The following ARMC9 variants were observed in gnomAD, a reference collection of about 807,000 sequenced individuals.
The protein encoded by ARMC9 is armadillo repeat containing 9, also known as lisH domain-containing protein ARMC9.
ARMC9 carries 94 observed loss-of-function variants against 107.0 expected under a neutral mutation model. The observed-to-expected ratio is 0.88, with a 90% confidence interval of 0.74 to 1.04. The LOEUF is 1.04. Ranked by LOEUF, ARMC9 falls within the 50% of genes least tolerant of loss-of-function variation. ARMC9 has a pLI of 0.00. For missense variants in ARMC9, 942 were observed against 1,030.1 expected, an observed-to-expected ratio of 0.91 and a Z score of 1.17; for synonymous variants, 380 against 396.9, an observed-to-expected ratio of 0.96 and a Z score of 0.51.
chr2:231,234,059 G>T (rs2035490330), intron 7 of ARMC9, among the ~76,000 whole-genome samples: 1 of 152,154 alleles, frequency 6.6e-6, no homozygotes, highest in Non-Finnish European at 1.5e-5. Flanking sequence ...TTTGAGCCCA[G>T]GTCTTTATAA....
intron 7 of ARMC9, among the ~76,000 whole-genome samples, chr2:231,234,801 T>C (rs985114572): frequency 6.6e-6 from 1 of 152,234 alleles, no homozygotes; most frequent in African/African-American, 2.4e-5. Context: ...AGATGGGATT[T>C]TACCATGTTG....
rs1487362067 is a variant in ARMC9 at position 231,362,391 on chromosome 2, A to G, written c.2261+1508A>G. Among the ~76,000 whole-genome samples the G allele has an allele frequency of 6.6e-6, 1 of 152,062 alleles. No homozygotes were observed. The highest frequency in any genetic ancestry group is 2.4e-5 in the African/African-American group (1 of 41,400). ...GGCCACTTCTTTTTACTTCCTGCAAATGCTGAGTTCATTTCTGAGGCTCTC... is the reference window on the plus strand; with the variant it reads ...GGCCACTTCTTTTTACTTCCTGCAAGTGCTGAGTTCATTTCTGAGGCTCTC... On this transcript the variant is annotated intron_variant, in intron 23 of 24. Transcript: ENST00000611582. This position sits in a 1 kb window ranked among gnomAD's most constrained non-coding sequence, Gnocchi z 4.7.
chr2:231,325,095 A>G (rs920034628), intron 19 of ARMC9, among the ~76,000 whole-genome samples: 35 of 151,954 alleles, frequency 2.3e-4, no homozygotes, highest in African/African-American at 7.5e-4. Flanking sequence ...GTACTGGTAC[A>G]TGCCTGTGGT....
intron 19 of ARMC9, among the ~76,000 whole-genome samples, chr2:231,308,298 C>T (rs1456182985): frequency 6.6e-6 from 1 of 152,154 alleles, no homozygotes; most frequent in African/African-American, 2.4e-5. Context: ...ATTCTTAGCC[C>T]CATTTTATGG....
At chr2:231,355,733 G>C in intron 21 of ARMC9, 65 bp from the exon 22 acceptor site, 2 of 1,311,986 alleles carry the variant, frequency 1.5e-6, no homozygotes, top group South Asian at 2.7e-5. Context: ...TGCTGCAGTC[G>C]GCAGTCGGCA....
intron 9 of ARMC9, among the ~76,000 whole-genome samples, chr2:231,250,192 C>T (rs904569606): frequency 2.6e-5 from 4 of 152,174 alleles, no homozygotes; most frequent in Admixed American, 6.5e-5. Context: ...GAGTCCACCC[C>T]GTGTTCAGAA....
chr2:231,323,868 T>C (rs145797077), intron 19 of ARMC9, among the ~76,000 whole-genome samples: 27 of 152,314 alleles, frequency 1.8e-4, no homozygotes, highest in African/African-American at 6.5e-4. Context: ...GCATTTGACA[T>C]TGAAATAACA....
chr2:231,307,517 C>A (rs895856481), intron 19 of ARMC9, among the ~76,000 whole-genome samples: 1 of 152,172 alleles, frequency 6.6e-6, no homozygotes, highest in East Asian at 1.9e-4. Context: ...CAGGGCCAGG[C>A]AAGCTCCAAT....
intron 5 of ARMC9, among the ~76,000 whole-genome samples, chr2:231,217,567 CAA>C (rs544667326): frequency 1.4e-3 from 166 of 122,372 alleles, no homozygotes; most frequent in Admixed American, 1.6e-3. Context: ...GACCTTGTCT[CAA>C]AAAAAAAAAA....
chr2:231,279,002 T>C (rs1468334094), intron 16 of ARMC9, among the ~76,000 whole-genome samples: 1 of 152,208 alleles, frequency 6.6e-6, no homozygotes, highest in Non-Finnish European at 1.5e-5. Flanking sequence ...TTATCCAGCC[T>C]GTACACTTCG....
rs1054115709 is a variant in ARMC9, at chr2:231,231,365, C to A, written c.623-3859C>A. On this transcript the variant is annotated intron_variant, in intron 7 of 24. Coordinates refer to ENST00000611582, the MANE Select transcript of ARMC9 (RefSeq NM_001352754.2). ...TTTAACTTATCTAATTTTGAACTCT[C>A]TATATATATATGAAAAACTTTATTT... Among the ~76,000 whole-genome samples, 23 of 152,160 alleles carry A rather than the reference C, an allele frequency of 1.5e-4. No homozygotes were observed. In the Middle Eastern group the frequency reaches 0.014, roughly 90 times the overall value.
At chr2:231,219,879 C>T (rs149843163) in intron 5 of ARMC9, among the ~76,000 whole-genome samples, 27 of 152,154 alleles carry the variant, frequency 1.8e-4, no homozygotes, top group African/African-American at 5.5e-4. Flanking sequence ...CTCTATCCCC[C>T]AGGCTGGAGT....
At position 231,340,611 on chromosome 2, in the gene ARMC9, G is replaced by T. The variant is rs193020522; in HGVS notation, c.1879-4364G>T. On this transcript the variant is annotated intron_variant, in intron 20 of 24. Coordinates refer to ENST00000611582, the MANE Select transcript of ARMC9 (RefSeq NM_001352754.2). ...CCCACTAAATCTAAATTAAGGCCAG[G>T]CTGAGTGGCTCACTCCTGTAATCCC... is the stretch of plus-strand genomic sequence containing the variant. Among the ~76,000 whole-genome samples, 397 of 152,298 alleles carry T rather than the reference G, an allele frequency of 2.6e-3. 2 individuals are homozygous for T. The highest frequency in any genetic ancestry group is 3.7e-4 in the Non-Finnish European group (25 of 68,038).
intron 17 of ARMC9, chr2:231,288,823 G>A: frequency 2.4e-6 from 1 of 408,672 alleles, no homozygotes; most frequent in Admixed American, 3.0e-5. Context: ...CTCCAGACTT[G>A]GGACTTTCAC....
At chr2:231,287,021 C>T (rs544452319) in intron 17 of ARMC9, among the ~76,000 whole-genome samples, 229 of 152,354 alleles carry the variant, frequency 1.5e-3, no homozygotes, top group Admixed American at 3.0e-3. Flanking sequence ...GGCCTCTGCC[C>T]TGGGGACCCC....
chr2:231,335,884 T>C (rs2044055507), intron 20 of ARMC9, among the ~76,000 whole-genome samples: 1 of 152,018 alleles, frequency 6.6e-6, no homozygotes, highest in African/African-American at 2.4e-5. Flanking sequence ...AGGACCAGCC[T>C]GGGCAATGTA....
At chr2:231,211,064 T>C (rs984144205) in intron 3 of ARMC9, among the ~76,000 whole-genome samples, 2 of 152,206 alleles carry the variant, frequency 1.3e-5, no homozygotes, top group African/African-American at 4.8e-5. Context: ...TTCATTCATG[T>C]TGCAATGTAT....
At chr2:231,319,479 C>T (rs1027212445) in intron 19 of ARMC9, among the ~76,000 whole-genome samples, 1 of 152,210 alleles carries the variant, frequency 6.6e-6, no homozygotes, top group Non-Finnish European at 1.5e-5. Context: ...GTAAGGGGTT[C>T]TAACCCAGAT....
chr2:231,203,043 T>C (rs113437003), intron 1 of ARMC9, among the ~76,000 whole-genome samples: 2 of 152,182 alleles, frequency 1.3e-5, no homozygotes, highest in African/African-American at 4.8e-5. Flanking sequence ...TAAAAACTCT[T>C]AGTCTGTAGG....
Sources: gnomAD v4.1 joint callset for allele counts (sites outside exome capture counted in the v4.1 genomes callset) on GRCh38, gnomAD v4.1.1 for gene constraint, Gnocchi (gnomAD v3.1) non-coding constraint, MANE v1.5 for transcripts, NCBI Gene and HGNC (gene_info 2026-07-23, HGNC 2026-07-21) for gene names.